THRB: variants seen among roughly 807,000 people sequenced by gnomAD.
THRB encodes the protein thyroid hormone receptor beta.
THRB carries 12 observed loss-of-function variants against 47.8 expected under a neutral mutation model. That is an observed-to-expected ratio of 0.25 (90% CI 0.16 to 0.41). THRB has a LOEUF of 0.41. Among genes scored for constraint, THRB ranks in the 10% least tolerant of loss-of-function variants. The pLI, the probability that THRB is intolerant of heterozygous loss-of-function variation, is 1.00. For missense variants in THRB, 348 were observed against 589.2 expected (o/e 0.59, Z 4.24); for synonymous variants, 218 against 212.2 (o/e 1.03, Z -0.24).
chr3:24,299,903 A>T (rs1001940419), intron 2 of THRB, among the ~76,000 whole-genome samples: 2 of 151,400 alleles, frequency 1.3e-5, no homozygotes, highest in Non-Finnish European at 2.9e-5. Context: ...AAAATACTCC[A>T]GGGGAATTAC....
At chr3:24,244,329 A>T (rs1192618410) in intron 3 of THRB, among the ~76,000 whole-genome samples, 1 of 152,188 alleles carries the variant, frequency 6.6e-6, no homozygotes, top group Non-Finnish European at 1.5e-5. Context: ...ACAGAGCTGA[A>T]AAAGAAATAG....
chr3:24,379,722 C>T (rs2065556032), intron 1 of THRB, among the ~76,000 whole-genome samples: 1 of 152,112 alleles, frequency 6.6e-6, no homozygotes, highest in African/African-American at 2.4e-5. Flanking sequence ...ACCTAAGCTT[C>T]ATCTACAACT....
At chr3:24,161,993 A>C (rs2149248516) in intron 5 of THRB, among the ~76,000 whole-genome samples, 1 of 152,244 alleles carries the variant, frequency 6.6e-6, no homozygotes, top group South Asian at 2.1e-4. Flanking sequence ...AGAGTCGCCC[A>C]GGGCAGACTC....
At chr3:24,297,559 T>C (rs1454655681) in intron 2 of THRB, among the ~76,000 whole-genome samples, 188 bp from the exon 3 acceptor site, 1 of 152,222 alleles carries the variant, frequency 6.6e-6, no homozygotes, top group Admixed American at 6.5e-5. Flanking sequence ...AAACATATAG[T>C]AAGCACTTGC....
chr3:24,311,735 A>G (rs913116818), intron 2 of THRB, among the ~76,000 whole-genome samples: 4 of 152,062 alleles, frequency 2.6e-5, no homozygotes, highest in Admixed American at 2.6e-4. Context: ...TGCTCTTTCA[A>G]TGTTGGTTCA....
chr3:24,387,549 A>G (rs1017906796), intron 1 of THRB, among the ~76,000 whole-genome samples: 6 of 152,174 alleles, frequency 3.9e-5, no homozygotes, highest in African/African-American at 1.2e-4. Flanking sequence ...CTGCTTATTC[A>G]TCTGCATTAC....
At chr3:24,302,034 C>G (rs1354142973) in intron 2 of THRB, among the ~76,000 whole-genome samples, 1 of 152,208 alleles carries the variant, frequency 6.6e-6, no homozygotes, top group Non-Finnish European at 1.5e-5. Context: ...TCCCTACAGA[C>G]TGCAAGGCCC....
At chr3:24,280,908 A>G (rs1398894869) in intron 3 of THRB, among the ~76,000 whole-genome samples, 6 of 152,186 alleles carry the variant, frequency 3.9e-5, no homozygotes, top group Admixed American at 6.5e-5. Context: ...AAAGAAATGA[A>G]CAAAGCCTCC....
At chr3:24,318,222 A>T (rs1463902452) in intron 2 of THRB, 1 of 152,154 alleles carries the variant, frequency 6.6e-6, no homozygotes, top group Non-Finnish European at 1.5e-5. Flanking sequence ...AATTCTGCAA[A>T]ATATATTTCA....
At chr3:24,258,293 A>G (rs1295118756) in intron 3 of THRB, among the ~76,000 whole-genome samples, 1 of 152,122 alleles carries the variant, frequency 6.6e-6, no homozygotes, top group Non-Finnish European at 1.5e-5. Context: ...GAAAAGGCCG[A>G]AGGGTCTGCT....
intron 3 of THRB, among the ~76,000 whole-genome samples, chr3:24,236,142 T>C (rs77466985): frequency 0.095 from 14,473 of 152,154 alleles, 698 homozygotes; most frequent in Middle Eastern, 0.17. Flanking sequence ...CTTATCCCCC[T>C]CATAGGAGGA....
chr3:24,301,735 G>C (rs2056957768), intron 2 of THRB, among the ~76,000 whole-genome samples: 1 of 152,166 alleles, frequency 6.6e-6, no homozygotes, highest in African/African-American at 2.4e-5. Context: ...CTGTAAAAAT[G>C]CTATCTTACA....
At chr3:24,473,654 G>A (rs1480085660) in intron 1 of THRB, among the ~76,000 whole-genome samples, 1 of 152,174 alleles carries the variant, frequency 6.6e-6, no homozygotes, top group Non-Finnish European at 1.5e-5. Context: ...GTTTATTGCA[G>A]CACTATTCGC....
At chr3:24,481,236 T>TG (rs1696335797) in intron 1 of THRB, among the ~76,000 whole-genome samples, 1 of 139,190 alleles carries the variant, frequency 7.2e-6, no homozygotes. Context: ...TCTGTTTTTT[T>TG]TTTTTTTTTT....
intron 1 of THRB, among the ~76,000 whole-genome samples, chr3:24,385,358 A>G (rs904714087): frequency 1.3e-5 from 2 of 152,038 alleles, no homozygotes; most frequent in African/African-American, 4.8e-5. Flanking sequence ...AGGAGCACCA[A>G]AATTATTAAA....
chr3:24,485,768 C>A (rs1697196266), intron 1 of THRB, among the ~76,000 whole-genome samples: 1 of 152,146 alleles, frequency 6.6e-6, no homozygotes, highest in Non-Finnish European at 1.5e-5. Context: ...CTGCCTAGAA[C>A]CCTCCCACCC....
intron 2 of THRB, among the ~76,000 whole-genome samples, chr3:24,302,840 A>G (rs564804093): frequency 2.0e-5 from 3 of 152,344 alleles, no homozygotes; most frequent in Admixed American, 6.5e-5. Context: ...TCACGACTGT[A>G]CTAGGGACCA....
At chr3:24,323,292 T>C (rs1170900917) in intron 2 of THRB, among the ~76,000 whole-genome samples, 1 of 151,936 alleles carries the variant, frequency 6.6e-6, no homozygotes, top group Non-Finnish European at 1.5e-5. Context: ...CCCTTTAAAA[T>C]GGCAACTGCT....
chr3:24,328,135 G>A (rs987841419), intron 2 of THRB, among the ~76,000 whole-genome samples: 3 of 152,074 alleles, frequency 2.0e-5, no homozygotes, highest in East Asian at 3.9e-4. Flanking sequence ...TAATGTTGGC[G>A]AGGCCATAGG....
Sources: allele counts gnomAD v4.1 joint callset (sites outside exome capture counted in the v4.1 genomes callset), GRCh38; gene constraint gnomAD v4.1.1; transcripts MANE v1.5; gene names NCBI Gene and HGNC (gene_info 2026-07-23, HGNC 2026-07-21).